Variants in EPB41L4A observed in about 807,000 individuals in gnomAD.
EPB41L4A encodes the protein band 4.1-like protein 4A.
In EPB41L4A, 100 loss-of-function variants were observed where a neutral mutation model predicts 108.6. The observed-to-expected ratio is 0.92, with a 90% confidence interval of 0.78 to 1.09. EPB41L4A has a LOEUF of 1.09. Ranked by LOEUF, EPB41L4A falls within the 50% of genes least tolerant of loss-of-function variation. EPB41L4A has a pLI of 0.00. For synonymous variants in EPB41L4A, 319 were observed against 289.0 expected (o/e 1.10, Z -1.05); for missense variants, 1,030 against 842.7 (o/e 1.22, Z -2.75).
At chr5:112,389,111 C>T (rs780317353) in intron 1 of EPB41L4A, among the ~76,000 whole-genome samples, 1 of 151,944 alleles carries the variant, frequency 6.6e-6, no homozygotes, top group Non-Finnish European at 1.5e-5. Flanking sequence ...CGGAGAACAA[C>T]AACAGGAGAA....
chr5:112,308,436 T>A (rs2150581929), intron 1 of EPB41L4A, among the ~76,000 whole-genome samples: 1 of 152,344 alleles, frequency 6.6e-6, no homozygotes, highest in South Asian at 2.1e-4. Flanking sequence ...GAAATGTTTT[T>A]ATTAAATGTA....
chr5:112,408,851 A>T (rs373487042), intron 1 of EPB41L4A, among the ~76,000 whole-genome samples: 1 of 152,074 alleles, frequency 6.6e-6, no homozygotes, highest in East Asian at 1.9e-4. Context: ...CGCTGGTGAG[A>T]ATGTGGAGAA....
At chr5:112,178,432 G>A (rs74912629) in intron 18 of EPB41L4A, among the ~76,000 whole-genome samples, 4,991 of 152,102 alleles carry the variant, frequency 0.033, 310 homozygotes, top group African/African-American at 0.11. Context: ...GACACAATCT[G>A]AACACTATCA....
At chr5:112,192,077 G>GC (rs1357452017) in intron 17 of EPB41L4A, 1 of 152,270 alleles carries the variant, frequency 6.6e-6, no homozygotes, top group Non-Finnish European at 1.5e-5. Flanking sequence ...CCAAGAAAAG[G>GC]AAGGACGAAT....
chr5:112,182,596 G>C (rs1480263338), intron 18 of EPB41L4A, among the ~76,000 whole-genome samples: 1 of 152,156 alleles, frequency 6.6e-6, no homozygotes, highest in African/African-American at 2.4e-5. Context: ...AAAACTGAAT[G>C]CTGTTTTAAG....
At chr5:112,359,590 G>C (rs1048260658) in intron 1 of EPB41L4A, among the ~76,000 whole-genome samples, 1 of 150,790 alleles carries the variant, frequency 6.6e-6, no homozygotes, top group African/African-American at 2.4e-5. Flanking sequence ...GCCCAGGCTA[G>C]AGTGCAGTGG....
At chr5:112,178,169 G>C (rs1760966289) in intron 18 of EPB41L4A, among the ~76,000 whole-genome samples, 1 of 152,008 alleles carries the variant, frequency 6.6e-6, no homozygotes, top group South Asian at 2.1e-4. Flanking sequence ...ACATGAAGAA[G>C]GTATGGTAGA....
At position 112,407,834 on chromosome 5, in the gene EPB41L4A, G is replaced by A. The variant is rs556332492; in HGVS notation, c.99+11107C>T. ...CAGGACTAAAACAATCCTTCAATCA[G>A]TCTTTTGACAAATATTTACTGAGCA... On this transcript the variant is annotated intron_variant, in intron 1 of 22. Transcript: ENST00000261486. Among the ~76,000 whole-genome samples, 80 of 152,274 alleles carry A rather than the reference G, an allele frequency of 5.3e-4. 1 individual carries two copies. Among genetic ancestry groups the A allele is most frequent in the African/African-American group, 1.9e-3 (78 of 41,550 alleles).
chr5:112,295,379 A>G (rs1359928089), intron 2 of EPB41L4A, among the ~76,000 whole-genome samples: 1 of 152,214 alleles, frequency 6.6e-6, no homozygotes, highest in African/African-American at 2.4e-5. Context: ...CAAAGGATAC[A>G]TGGGTAAACA....
intron 12 of EPB41L4A, among the ~76,000 whole-genome samples, chr5:112,229,203 G>A (rs1748688501): frequency 6.6e-6 from 1 of 152,036 alleles, no homozygotes; most frequent in Admixed American, 6.5e-5. Flanking sequence ...ATATACAAAT[G>A]TTTTGTGTTT....
intron 1 of EPB41L4A, among the ~76,000 whole-genome samples, chr5:112,337,169 T>C (rs1230658636): frequency 6.6e-6 from 1 of 152,186 alleles, no homozygotes; most frequent in Non-Finnish European, 1.5e-5. Flanking sequence ...CAACCATATA[T>C]AAATGAAATT....
At chr5:112,332,759 T>C (rs920898179) in intron 1 of EPB41L4A, among the ~76,000 whole-genome samples, 3 of 152,226 alleles carry the variant, frequency 2.0e-5, no homozygotes, top group African/African-American at 7.2e-5. Context: ...TGCACAGATA[T>C]GGTGGAAGTT....
intron 7 of EPB41L4A, among the ~76,000 whole-genome samples, chr5:112,262,016 C>T (rs983114376): frequency 2.6e-5 from 4 of 151,734 alleles, no homozygotes; most frequent in East Asian, 1.9e-4. Flanking sequence ...CTCAGCCTCC[C>T]GAGTGGCTGG....
At chr5:112,328,370 T>C (rs1756325618) in intron 1 of EPB41L4A, among the ~76,000 whole-genome samples, 1 of 90,630 alleles carries the variant, frequency 1.1e-5, no homozygotes, top group East Asian at 2.1e-4. Context: ...CTAGTTGCAC[T>C]TGGCTTTCCC....
chr5:112,180,197 G>A (rs1046749669), intron 18 of EPB41L4A, among the ~76,000 whole-genome samples: 2 of 152,098 alleles, frequency 1.3e-5, no homozygotes, highest in African/African-American at 4.8e-5. Flanking sequence ...TTTGGGGGAA[G>A]GCAGTAAAAA....
At chr5:112,270,238 TG>T (rs1752164039) in intron 4 of EPB41L4A, among the ~76,000 whole-genome samples, 1 of 152,270 alleles carries the variant, frequency 6.6e-6, no homozygotes, top group South Asian at 2.1e-4. Context: ...CTTAAGACCC[TG>T]CTGAGAAAAC....
At chr5:112,298,937 T>G (rs1754183120) in intron 2 of EPB41L4A, among the ~76,000 whole-genome samples, 1 of 152,176 alleles carries the variant, frequency 6.6e-6, no homozygotes, top group South Asian at 2.1e-4. Flanking sequence ...TGCACGTAAA[T>G]GTGTTCATAG....
intron 2 of EPB41L4A, among the ~76,000 whole-genome samples, chr5:112,296,674 T>C (rs1430174678): frequency 1.3e-5 from 2 of 152,190 alleles, no homozygotes; most frequent in Non-Finnish European, 2.9e-5. Context: ...AGTTCTTTAA[T>C]GGTGATTTGT....
chr5:112,392,396 GAAAGCAAAAAAAAAAAA>G (rs1761008856), intron 1 of EPB41L4A, among the ~76,000 whole-genome samples: 1 of 17,280 alleles, frequency 5.8e-5, no homozygotes, highest in Admixed American at 8.8e-4. Flanking sequence ...CAAGCAAATG[GAAAGCAAAAAAAAAAAA>G]AAAAAAAAAA....
Sources: allele counts gnomAD v4.1 joint callset (sites outside exome capture counted in the v4.1 genomes callset), GRCh38; gene constraint gnomAD v4.1.1; transcripts MANE v1.5; gene names NCBI Gene and HGNC (gene_info 2026-07-23, HGNC 2026-07-21).